The following KANSL1L variants were observed in gnomAD, a reference collection of about 807,000 sequenced individuals.
The protein encoded by KANSL1L is KAT8 regulatory NSL complex subunit 1-like protein.
Under a neutral mutation model 108.6 loss-of-function variants are expected in KANSL1L, and 25 were observed. The observed-to-expected ratio is 0.23, with a 90% confidence interval of 0.17 to 0.32. The LOEUF is 0.32. Among genes scored for constraint, KANSL1L ranks in the 10% least tolerant of loss-of-function variants. The pLI, the probability that KANSL1L is intolerant of heterozygous loss-of-function variation, is 1.00. For synonymous variants in KANSL1L, 405 were observed against 395.1 expected, an observed-to-expected ratio of 1.03 and a Z score of -0.30; for missense variants, 1,137 against 1,125.7, an observed-to-expected ratio of 1.01 and a Z score of -0.14.
intron 6 of KANSL1L, among the ~76,000 whole-genome samples, chr2:210,073,087 G>A (rs908410811): frequency 1.3e-5 from 2 of 151,996 alleles, no homozygotes; most frequent in African/African-American, 4.8e-5. Context: ...CCTAGATTTG[G>A]CCACTAGGGG....
At chr2:210,172,346 A>G (rs1171438815), upstream of KANSL1L, among the ~76,000 whole-genome samples, 1 of 152,244 alleles carries the variant, frequency 6.6e-6, no homozygotes, top group African/African-American at 2.4e-5. Flanking sequence ...TTTAAGCCAG[A>G]AGGATAATAG....
chr2:210,144,340 C>T (rs73984340), intron 2 of KANSL1L, among the ~76,000 whole-genome samples: 1,901 of 152,206 alleles, frequency 0.012, 42 homozygotes, highest in African/African-American at 0.043. Context: ...TCCTTTACCC[C>T]GATGTGACTA....
At chr2:210,167,859 G>A (rs1688077689) in intron 1 of KANSL1L, among the ~76,000 whole-genome samples, 1 of 151,776 alleles carries the variant, frequency 6.6e-6, no homozygotes, top group Non-Finnish European at 1.5e-5. Flanking sequence ...ACTATCTACT[G>A]GCAAGTTTAA....
intron 5 of KANSL1L, chr2:210,088,409 A>G (rs1324943785): frequency 6.6e-6 from 1 of 152,292 alleles, no homozygotes; most frequent in East Asian, 1.9e-4. Flanking sequence ...TAGGAAAGAC[A>G]TGCATAAAAG....
chr2:210,079,093 G>C (rs531393619), intron 5 of KANSL1L, among the ~76,000 whole-genome samples: 1 of 152,046 alleles, frequency 6.6e-6, no homozygotes, highest in Non-Finnish European at 1.5e-5. Flanking sequence ...TAGGACTACA[G>C]GTGTGCACCA....
At chr2:210,128,071 C>A (rs913395172) in intron 3 of KANSL1L, among the ~76,000 whole-genome samples, 1 of 152,044 alleles carries the variant, frequency 6.6e-6, no homozygotes, top group Non-Finnish European at 1.5e-5. Context: ...AAGATACCAT[C>A]TCACACTCAT....
intron 6 of KANSL1L, among the ~76,000 whole-genome samples, chr2:210,065,206 C>A (rs2094455987): frequency 7.4e-6 from 1 of 134,876 alleles, no homozygotes; most frequent in African/African-American, 2.7e-5. Context: ...GCAGGAAAAT[C>A]ACTTGACCTC....
At chr2:210,163,503 A>T (rs1412394515) in intron 1 of KANSL1L, among the ~76,000 whole-genome samples, 1 of 151,954 alleles carries the variant, frequency 6.6e-6, no homozygotes, top group Non-Finnish European at 1.5e-5. Context: ...GGAAGAAGAG[A>T]CTATCCAACC....
At chr2:210,115,954 G>A (rs2094949743) in intron 3 of KANSL1L, among the ~76,000 whole-genome samples, 1 of 152,188 alleles carries the variant, frequency 6.6e-6, no homozygotes. Flanking sequence ...ACATAAAACA[G>A]CATCTTTATA....
At chr2:210,120,496 C>G (rs2095005716) in intron 3 of KANSL1L, among the ~76,000 whole-genome samples, 2 of 152,136 alleles carry the variant, frequency 1.3e-5, no homozygotes, top group Non-Finnish European at 2.9e-5. Flanking sequence ...AAAATTAATT[C>G]AAGATGGATT....
chr2:210,045,629 T>A (rs1240445225), intron 6 of KANSL1L, among the ~76,000 whole-genome samples: 1 of 152,210 alleles, frequency 6.6e-6, no homozygotes, highest in African/African-American at 2.4e-5. Context: ...ACTATCATAG[T>A]GTAGGTTTGC....
intron 1 of KANSL1L, among the ~76,000 whole-genome samples, chr2:210,156,465 A>G (rs922781865): frequency 6.6e-6 from 1 of 152,176 alleles, no homozygotes; most frequent in African/African-American, 2.4e-5. Flanking sequence ...AATGTGATGG[A>G]ATACTATATT....
intron 2 of KANSL1L, among the ~76,000 whole-genome samples, chr2:210,133,814 G>A (rs1228842851): frequency 6.6e-6 from 1 of 151,976 alleles, no homozygotes; most frequent in African/African-American, 2.4e-5. Flanking sequence ...CGAGTTATTT[G>A]GAAATGTGTG....
chr2:210,167,911 A>G (rs1559622119), intron 1 of KANSL1L, among the ~76,000 whole-genome samples: 1 of 151,986 alleles, frequency 6.6e-6, no homozygotes, highest in Non-Finnish European at 1.5e-5. Context: ...TTTATCCCAC[A>G]TGATTAGGGA....
intron 6 of KANSL1L, among the ~76,000 whole-genome samples, chr2:210,070,142 C>A (rs1232007710): frequency 6.9e-6 from 1 of 145,872 alleles, no homozygotes; most frequent in Non-Finnish European, 1.5e-5. Context: ...CCCTGACATT[C>A]TTTAACTTGT....
intron 6 of KANSL1L, among the ~76,000 whole-genome samples, chr2:210,048,365 C>A (rs1451257241): frequency 6.6e-6 from 1 of 151,948 alleles, no homozygotes; most frequent in Non-Finnish European, 1.5e-5. Flanking sequence ...TTATTTCTCT[C>A]TGTGCTGTCT....
rs565160989 is a variant in KANSL1L at position 210,160,416 on chromosome 2, G to A, written c.-29-5805C>T. Among the ~76,000 whole-genome samples the A allele has an allele frequency of 1.4e-4, 21 of 152,182 alleles. No homozygotes were observed. In the South Asian group the frequency reaches 3.9e-3, roughly 29 times the overall value. ...AAAACTGTCTCTATTCACAGATGAC[G>A]TGATTTTCTACATAGAAAATCCCAA... On this transcript the variant is annotated intron_variant, in intron 1 of 14. Coordinates refer to ENST00000281772, the MANE Select transcript of KANSL1L (RefSeq NM_152519.4).
chr2:210,100,996 C>A (rs1448229987), intron 4 of KANSL1L, among the ~76,000 whole-genome samples: 2 of 152,326 alleles, frequency 1.3e-5, no homozygotes, highest in Non-Finnish European at 2.9e-5. Flanking sequence ...AGCATTATTA[C>A]CACATTTCAA....
In KANSL1L at chr2:210,056,375, C is replaced by T. The variant is rs147221724; in HGVS notation, c.1756-12271G>A. Among the ~76,000 whole-genome samples the T allele has an allele frequency of 2.0e-5, 3 of 152,350 alleles. No individual in the cohort carries two copies. In the East Asian group the frequency reaches 5.8e-4, roughly 29 times the overall value. ...AAGTAATACTTTTATCATTTCACTC[C>T]TCCACACCAAAACCATCACTGATTC... is the stretch of plus-strand genomic sequence containing the variant. On this transcript the variant is annotated intron_variant, in intron 6 of 14. Transcript: ENST00000281772.
Sources: allele counts gnomAD v4.1 joint callset (sites outside exome capture counted in the v4.1 genomes callset), GRCh38; gene constraint gnomAD v4.1.1; transcripts MANE v1.5; gene names NCBI Gene and HGNC (gene_info 2026-07-23, HGNC 2026-07-21).